The following DOK5 variants were observed in gnomAD, a reference collection of about 807,000 sequenced individuals.
The protein encoded by DOK5 is downstream of tyrosine kinase 5.
Under a neutral mutation model 43.3 loss-of-function variants are expected in DOK5, and 27 were observed. That is an observed-to-expected ratio of 0.62 (90% CI 0.46 to 0.86). DOK5 has a LOEUF of 0.86. DOK5 is among the 40% of genes least tolerant of loss of function. The pLI is 0.00. For missense variants in DOK5, 373 were observed against 392.9 expected, an observed-to-expected ratio of 0.95 and a Z score of 0.43; for synonymous variants, 146 against 140.1, an observed-to-expected ratio of 1.04 and a Z score of -0.30.
At chr20:54,506,858 C>T (rs6014043) in intron 1 of DOK5, among the ~76,000 whole-genome samples, 5,009 of 152,224 alleles carry the variant, frequency 0.033, 276 homozygotes, top group African/African-American at 0.11. Context: ...AAACACCTGG[C>T]GATCATACGC....
chr20:54,592,894 A>G (rs1191806477), intron 5 of DOK5, among the ~76,000 whole-genome samples: 2 of 152,168 alleles, frequency 1.3e-5, no homozygotes, highest in African/African-American at 4.8e-5. Flanking sequence ...GTTCTTCTGT[A>G]TATGGCCTGA....
At chr20:54,618,492 T>C (rs1010712440) in intron 6 of DOK5, among the ~76,000 whole-genome samples, 1 of 152,048 alleles carries the variant, frequency 6.6e-6, no homozygotes, top group African/African-American at 2.4e-5. Context: ...TATAGGCACC[T>C]GCCAGCACGC....
intron 6 of DOK5, among the ~76,000 whole-genome samples, chr20:54,614,736 C>A (rs1289977104): frequency 6.6e-6 from 1 of 152,178 alleles, no homozygotes; most frequent in Non-Finnish European, 1.5e-5. Context: ...AAAGCCACGG[C>A]ATCCTGTTAT....
At chr20:54,581,946 T>C (rs965734312) in intron 2 of DOK5, among the ~76,000 whole-genome samples, 1 of 152,008 alleles carries the variant, frequency 6.6e-6, no homozygotes, top group African/African-American at 2.4e-5. Flanking sequence ...AATGTGGTGA[T>C]AGTTGGCACC....
intron 2 of DOK5, among the ~76,000 whole-genome samples, chr20:54,571,115 C>G (rs1985267380): frequency 6.6e-6 from 1 of 152,138 alleles, no homozygotes; most frequent in Non-Finnish European, 1.5e-5. Context: ...TTGAGTATTT[C>G]TTTCTTTTGT....
At chr20:54,648,652 A>G (rs1234089559) in intron 7 of DOK5, among the ~76,000 whole-genome samples, 2 of 152,188 alleles carry the variant, frequency 1.3e-5, no homozygotes, top group Non-Finnish European at 2.9e-5. Flanking sequence ...AAGGGACATA[A>G]AGAGACAGCC....
chr20:54,566,763 T>A (rs1166180425), intron 2 of DOK5, among the ~76,000 whole-genome samples: 4 of 152,132 alleles, frequency 2.6e-5, no homozygotes, highest in African/African-American at 9.7e-5. Context: ...ACTACAGGCA[T>A]GCACCACCAT....
chr20:54,573,686 CAA>C (rs1321685949), intron 2 of DOK5, among the ~76,000 whole-genome samples: 196 of 50,954 alleles, frequency 3.8e-3, no homozygotes, highest in South Asian at 0.014. Context: ...GACTCCATCT[CAA>C]AAAAAAAAAA....
At chr20:54,480,457 A>G (rs1010649979) in intron 1 of DOK5, among the ~76,000 whole-genome samples, 3 of 152,152 alleles carry the variant, frequency 2.0e-5, no homozygotes, top group Non-Finnish European at 4.4e-5. Flanking sequence ...TCAGGAAGTT[A>G]CCCTTGGTCT....
chr20:54,540,118 C>T (rs1984099664), intron 1 of DOK5, among the ~76,000 whole-genome samples: 2 of 151,822 alleles, frequency 1.3e-5, no homozygotes, highest in South Asian at 2.1e-4. Context: ...TCTCTAAGTC[C>T]CTTTGGAAGC....
intron 1 of DOK5, among the ~76,000 whole-genome samples, chr20:54,517,875 C>T (rs1475533773): frequency 6.6e-6 from 1 of 152,118 alleles, no homozygotes; most frequent in African/African-American, 2.4e-5. Flanking sequence ...TGAAATGGGC[C>T]CTCACCAGAT....
chr20:54,626,198 T>C (rs181979474), intron 6 of DOK5, among the ~76,000 whole-genome samples: 69 of 152,094 alleles, frequency 4.5e-4, no homozygotes, highest in African/African-American at 1.6e-3. Flanking sequence ...CATACATGGA[T>C]GGGATGAGGG....
intron 1 of DOK5, among the ~76,000 whole-genome samples, chr20:54,548,353 C>T (rs6023355): frequency 0.013 from 1,917 of 151,970 alleles, 41 homozygotes; most frequent in African/African-American, 0.044. Context: ...GTCCTACCTC[C>T]GCTTCCCAAG....
chr20:54,502,972 A>G (rs1412095481), intron 1 of DOK5, among the ~76,000 whole-genome samples: 1 of 152,208 alleles, frequency 6.6e-6, no homozygotes, highest in Non-Finnish European at 1.5e-5. Context: ...ATTGAAAAAT[A>G]TTCTTCAAGT....
At chr20:54,505,551 A>C (rs979916293) in intron 1 of DOK5, among the ~76,000 whole-genome samples, 1 of 152,158 alleles carries the variant, frequency 6.6e-6, no homozygotes, top group Non-Finnish European at 1.5e-5. Context: ...CAGTTCAAGG[A>C]GGGAAACAGA....
chr20:54,527,262 T>G (rs1017008223), intron 1 of DOK5, among the ~76,000 whole-genome samples: 1 of 152,172 alleles, frequency 6.6e-6, no homozygotes, highest in East Asian at 1.9e-4. Context: ...TTTTAAAAGT[T>G]TTTTTTAAAT....
intron 1 of DOK5, among the ~76,000 whole-genome samples, chr20:54,526,598 T>G (rs1235511170): frequency 6.6e-6 from 1 of 152,162 alleles, no homozygotes; most frequent in East Asian, 1.9e-4. Context: ...TATATGGGAT[T>G]TTTAAAAACC....
intron 2 of DOK5, among the ~76,000 whole-genome samples, chr20:54,584,725 G>GTGTA (rs1555833553): frequency 6.7e-6 from 1 of 148,508 alleles, no homozygotes; most frequent in African/African-American, 2.5e-5. Context: ...GTGTGTGTGT[G>GTGTA]TATATATATA....
At chr20:54,542,069 G>T (rs1984179090) in intron 1 of DOK5, among the ~76,000 whole-genome samples, 1 of 149,972 alleles carries the variant, frequency 6.7e-6, no homozygotes, top group African/African-American at 2.5e-5. Flanking sequence ...TCCCTTCGTG[G>T]TGCATCACAC....
Sources: gnomAD v4.1 joint callset for allele counts (sites outside exome capture counted in the v4.1 genomes callset) on GRCh38, gnomAD v4.1.1 for gene constraint, MANE v1.5 for transcripts, NCBI Gene and HGNC (gene_info 2026-07-23, HGNC 2026-07-21) for gene names.